R3HDM1: variants seen among roughly 807,000 people sequenced by gnomAD.
R3HDM1 encodes R3H domain-containing protein 1.
A neutral mutation model predicts 141.1 loss-of-function variants in R3HDM1; 46 were observed. That is an observed-to-expected ratio of 0.33 (90% CI 0.26 to 0.42). The LOEUF is 0.42. Among genes scored for constraint, R3HDM1 ranks in the 10% least tolerant of loss-of-function variants. The pLI is 1.00. For missense variants in R3HDM1, 1,184 were observed against 1,368.3 expected (o/e 0.87, Z 2.12); for synonymous variants, 435 against 472.9 (o/e 0.92, Z 1.04).
chr2:135,604,729 T>C, intron 2 of R3HDM1, 77 bp from the exon 3 acceptor site: 8 of 1,103,236 alleles, frequency 7.3e-6, no homozygotes, highest in Non-Finnish European at 1.1e-5. Context: ...TTCTGGAACA[T>C]AACAGACAGT....
chr2:135,712,949 C>A (rs139831975), intron 23 of R3HDM1, among the ~76,000 whole-genome samples: 105 of 152,100 alleles, frequency 6.9e-4, no homozygotes, highest in African/African-American at 2.4e-3. Flanking sequence ...TAAAAAAAAT[C>A]CCAGCACTTT....
At chr2:135,537,437 C>T (rs1204739821) in intron 1 of R3HDM1, among the ~76,000 whole-genome samples, 2 of 150,500 alleles carry the variant, frequency 1.3e-5, no homozygotes, top group Non-Finnish European at 3.0e-5. Context: ...TAGTCACGAG[C>T]CATCATGCCA....
At chr2:135,653,713 C>T (rs1360757221) in intron 18 of R3HDM1, among the ~76,000 whole-genome samples, 3 of 152,134 alleles carry the variant, frequency 2.0e-5, no homozygotes, top group Admixed American at 6.5e-5. Flanking sequence ...TGTTTTGGGC[C>T]GGACACAGTG....
At chr2:135,603,772 A>G (rs2059818724) in intron 2 of R3HDM1, among the ~76,000 whole-genome samples, 1 of 152,012 alleles carries the variant, frequency 6.6e-6, no homozygotes, top group South Asian at 2.1e-4. Flanking sequence ...ATGCCTGGCT[A>G]ATTTTTGTAT....
At chr2:135,699,039 A>AT (rs1553630004) in intron 21 of R3HDM1, among the ~76,000 whole-genome samples, 1,306 of 112,296 alleles carry the variant, frequency 0.012, 42 homozygotes, top group African/African-American at 0.037. Context: ...AGATAGATAG[A>AT]TAGATAAGAT....
intron 3 of R3HDM1, among the ~76,000 whole-genome samples, chr2:135,612,462 T>C (rs1381161964): frequency 6.6e-6 from 1 of 152,208 alleles, no homozygotes; most frequent in East Asian, 1.9e-4. Flanking sequence ...AATACATATA[T>C]AACTCATAAG....
chr2:135,680,374 G>C, intron 21 of R3HDM1, 50 bp downstream of exon 21: 2 of 1,592,040 alleles, frequency 1.3e-6, no homozygotes, highest in Middle Eastern at 1.7e-4. Context: ...TGTTTACCAG[G>C]ATTATGGTCT....
chr2:135,655,715 C>G (rs1182815827), intron 18 of R3HDM1, among the ~76,000 whole-genome samples: 1 of 151,932 alleles, frequency 6.6e-6, no homozygotes, highest in East Asian at 1.9e-4. Flanking sequence ...ACGGTAGTCT[C>G]GATCTCCTGA....
intron 1 of R3HDM1, among the ~76,000 whole-genome samples, chr2:135,547,108 TATC>T (rs1231851093): frequency 2.6e-5 from 4 of 152,230 alleles, no homozygotes; most frequent in Non-Finnish European, 5.9e-5. Context: ...CTCAGACACC[TATC>T]ATATTGTTCA....
chr2:135,687,253 C>G (rs937709559), intron 21 of R3HDM1, among the ~76,000 whole-genome samples: 4 of 152,070 alleles, frequency 2.6e-5, no homozygotes, highest in African/African-American at 9.7e-5. Flanking sequence ...ATGGTCATTG[C>G]CAGGGGCTGC....
intron 20 of R3HDM1, among the ~76,000 whole-genome samples, chr2:135,679,364 T>G (rs2069819068): frequency 6.6e-6 from 1 of 152,164 alleles, no homozygotes; most frequent in Non-Finnish European, 1.5e-5. Flanking sequence ...ATGGAAATAA[T>G]ACCTCCTTTG....
chr2:135,537,556 G>A (rs1030745868), intron 1 of R3HDM1, among the ~76,000 whole-genome samples: 2 of 151,572 alleles, frequency 1.3e-5, no homozygotes, highest in Non-Finnish European at 2.9e-5. Flanking sequence ...AAAGTGCTGG[G>A]ATTACAGGCG....
intron 23 of R3HDM1, among the ~76,000 whole-genome samples, chr2:135,710,446 C>T (rs1025377194): frequency 6.6e-6 from 1 of 152,098 alleles, no homozygotes; most frequent in African/African-American, 2.4e-5. Flanking sequence ...GGTGAAATCC[C>T]ATCTCTACTA....
Position 135,724,747 on chromosome 2 carries a change from T to G in R3HDM1, c.*455T>G, listed in dbSNP as rs1308439532. The G allele has an allele frequency of 6.5e-6, 1 of 154,014 alleles. No individual in the cohort carries two copies. Among genetic ancestry groups the G allele is most frequent in the Non-Finnish European group, 1.4e-5 (1 of 69,026 alleles). 9.5% of individuals were successfully genotyped at this position (154,014 alleles called of 1,614,324 possible). A position where few individuals can be genotyped will look rare whatever the true frequency, so the allele number is the denominator to read the frequency against. ...AAATAACCAAGTCAAAACCATGTAC[T>G]ATCTCCTTGGGGGTTAGGGATGCTA... On this transcript the variant is annotated 3_prime_UTR_variant, in exon 27 of 27. Transcript: ENST00000683871.
chr2:135,654,427 T>TTTGTTGTTG (rs35477275), intron 18 of R3HDM1, among the ~76,000 whole-genome samples: 231 of 149,210 alleles, frequency 1.5e-3, no homozygotes, highest in East Asian at 5.9e-3. Flanking sequence ...AATGTTTTCT[T>TTTGTTGTTG]TTGTTGTTGT....
At chr2:135,586,271 G>A (rs1232594400) in intron 1 of R3HDM1, 1 of 152,462 alleles carries the variant, frequency 6.6e-6, no homozygotes, top group Admixed American at 6.6e-5. Context: ...ATTCTGGGTG[G>A]TGACTGGCTA....
chr2:135,677,555 T>C (rs760448218), intron 20 of R3HDM1, among the ~76,000 whole-genome samples: 3 of 150,810 alleles, frequency 2.0e-5, no homozygotes, highest in Non-Finnish European at 4.4e-5. Flanking sequence ...TACAGCCTAA[T>C]TAGTATAGTT....
intron 19 of R3HDM1, 80 bp downstream of exon 19, chr2:135,661,473 A>T (rs1302153464): frequency 2.0e-6 from 3 of 1,506,588 alleles, no homozygotes; most frequent in Non-Finnish European, 2.7e-6. Context: ...TTAAGATAGT[A>T]CCTACTCAGT....
chr2:135,622,796 TTC>T (rs1307511284), intron 7 of R3HDM1, 64 bp downstream of exon 7: 1 of 1,470,692 alleles, frequency 6.8e-7, no homozygotes, highest in Admixed American at 2.4e-5. Flanking sequence ...TATATATGTT[TTC>T]ATTATTGAGT....
Sources: gnomAD v4.1 joint callset for allele counts (sites outside exome capture counted in the v4.1 genomes callset) on GRCh38, gnomAD v4.1.1 for gene constraint, MANE v1.5 for transcripts, NCBI Gene and HGNC (gene_info 2026-07-23, HGNC 2026-07-21) for gene names.